The following EYA1 variants were observed in gnomAD, a reference collection of about 807,000 sequenced individuals.
EYA1 encodes EYA transcriptional coactivator and phosphatase 1.
Under a neutral mutation model 82.0 loss-of-function variants are expected in EYA1, and 16 were observed. The observed-to-expected ratio is 0.20, with a 90% CI of 0.13 to 0.30. The LOEUF is 0.30. Among genes scored for constraint, EYA1 ranks in the 10% least tolerant of loss-of-function variants. The probability of loss-of-function intolerance (pLI) is 1.00; values close to 1 mark genes in which losing one functional copy is unlikely to be tolerated. For synonymous variants in EYA1, 261 were observed against 264.4 expected (o/e 0.99, Z 0.12); for missense variants, 633 against 730.7 (o/e 0.87, Z 1.54).
At chr8:71,295,770 G>A (rs1819528977) in intron 9 of EYA1, among the ~76,000 whole-genome samples, 1 of 152,158 alleles carries the variant, frequency 6.6e-6, no homozygotes. Flanking sequence ...GCACACAAAT[G>A]TTTATAGAAA....
At chr8:71,416,136 G>A (rs184494940) in intron 2 of EYA1, among the ~76,000 whole-genome samples, 3 of 152,270 alleles carry the variant, frequency 2.0e-5, no homozygotes, top group East Asian at 3.9e-4. Flanking sequence ...AGCTCCAGGC[G>A]GATGGTCAGA....
upstream of EYA1, among the ~76,000 whole-genome samples, chr8:71,364,582 T>G (rs865996706): frequency 1.3e-5 from 2 of 152,090 alleles, no homozygotes; most frequent in African/African-American, 4.8e-5. Flanking sequence ...TGTTGAACAT[T>G]GCTACTAGTA....
chr8:71,367,110 C>A (rs190096701), upstream of EYA1, among the ~76,000 whole-genome samples: 2 of 152,012 alleles, frequency 1.3e-5, no homozygotes, highest in East Asian at 3.9e-4. Context: ...GGTTTTTTCT[C>A]CTTACATATT....
intron 2 of EYA1, among the ~76,000 whole-genome samples, chr8:71,462,077 G>A (rs1046858918): frequency 6.6e-6 from 1 of 152,074 alleles, no homozygotes; most frequent in Non-Finnish European, 1.5e-5. Context: ...AGGACTGGAA[G>A]CCTAGCCCTC....
chr8:71,348,777 C>T (rs555297428), intron 3 of EYA1, among the ~76,000 whole-genome samples: 27 of 152,166 alleles, frequency 1.8e-4, no homozygotes, highest in Non-Finnish European at 3.2e-4. Flanking sequence ...ATCCCAGGCA[C>T]GTTCTCGACT....
chr8:71,397,385 G>A (rs1346443223), intron 2 of EYA1, among the ~76,000 whole-genome samples: 18 of 152,250 alleles, frequency 1.2e-4, no homozygotes, highest in Non-Finnish European at 2.4e-4. Context: ...TCCTAGCATC[G>A]ATGGTCTTTA....
intron 2 of EYA1, among the ~76,000 whole-genome samples, chr8:71,506,680 G>A (rs536813717): frequency 8.5e-5 from 13 of 152,188 alleles, no homozygotes; most frequent in African/African-American, 2.6e-4. Context: ...AAATGCCAGC[G>A]TAACTTCCAA....
At chr8:71,523,346 T>G (rs192844258) in intron 2 of EYA1, among the ~76,000 whole-genome samples, 48 of 152,162 alleles carry the variant, frequency 3.2e-4, no homozygotes, top group African/African-American at 1.1e-3. Context: ...GCCTGGCTAA[T>G]TTTTTGTATG....
intron 9 of EYA1, among the ~76,000 whole-genome samples, chr8:71,296,161 T>A (rs1247933891): frequency 2.0e-5 from 3 of 152,134 alleles, no homozygotes; most frequent in African/African-American, 4.8e-5. Flanking sequence ...AGAGTAAAAT[T>A]TTGGAAGCTT....
chr8:71,351,738 A>G (rs1281590073), intron 3 of EYA1, among the ~76,000 whole-genome samples: 1 of 152,184 alleles, frequency 6.6e-6, no homozygotes, highest in Non-Finnish European at 1.5e-5. Context: ...CAGACTTAAG[A>G]AGAAACTTAA....
intron 2 of EYA1, among the ~76,000 whole-genome samples, chr8:71,492,468 A>ATTAT (rs1811075105): frequency 7.2e-6 from 1 of 137,972 alleles, no homozygotes; most frequent in African/African-American, 2.8e-5. Context: ...ATTTATTATT[A>ATTAT]TTTTTTTTTT....
intron 2 of EYA1, among the ~76,000 whole-genome samples, chr8:71,406,893 G>A (rs1461214137): frequency 6.9e-6 from 1 of 145,628 alleles, no homozygotes; most frequent in African/African-American, 2.5e-5. Context: ...AGGCCTGCCT[G>A]CCTCTGTAGG....
At chr8:71,419,349 C>A (rs1180228879) in intron 2 of EYA1, among the ~76,000 whole-genome samples, 3 of 152,160 alleles carry the variant, frequency 2.0e-5, no homozygotes, top group Non-Finnish European at 4.4e-5. Context: ...TAAAGCAGCA[C>A]AAAGCATACC....
chr8:71,363,675 A>G (rs918360713), upstream of EYA1, among the ~76,000 whole-genome samples: 1 of 152,206 alleles, frequency 6.6e-6, no homozygotes, highest in Admixed American at 6.5e-5. Flanking sequence ...ACAGCTTGTA[A>G]TGGAGATTTC....
Position 71,361,849 on chromosome 8 carries a change from G to A in EYA1, c.-257C>T, listed in dbSNP as rs920678374. On this transcript the variant is annotated 5_prime_UTR_variant, in exon 1 of 18. The change creates a premature stop within an existing upstream ORF in the 5' untranslated region. Transcript: ENST00000340726. ...CGCAGGGGGCAGGCGCCTGGCCGCTGCCGCAGGCTCGGGCTGCCGAGCGAC... is the reference window on the plus strand; with the variant it reads ...CGCAGGGGGCAGGCGCCTGGCCGCTACCGCAGGCTCGGGCTGCCGAGCGAC... 2 of 985,290 alleles carry A rather than the reference G, an allele frequency of 2.0e-6. No individual in the cohort carries two copies. The highest frequency in any genetic ancestry group is 6.1e-5 in the Admixed American group (1 of 16,270). 61.0% of individuals were successfully genotyped at this position (985,290 alleles called of 1,614,324 possible).
In EYA1 at chr8:71,535,829, G is replaced by A. The variant is rs1411963012; in HGVS notation, c.-53C>T. The A allele has an allele frequency of 8.9e-6, 11 of 1,232,466 alleles. No individual in the cohort carries two copies. In the Admixed American group the frequency reaches 2.7e-4, roughly 30 times the overall value. 76.3% of individuals were successfully genotyped at this position (1,232,466 alleles called of 1,614,324 possible). A position where few individuals can be genotyped will look rare whatever the true frequency, so the allele number is the denominator to read the frequency against. On this transcript the variant is annotated 5_prime_UTR_variant, in exon 2 of 19. Transcript: ENST00000643681. The stretch of plus-strand genomic sequence containing the variant: ...GCTATTAGCTACACACTTCTTCAAA[G>A]GGTTCCAACACCCCTGCACCTGTGA...
intron 2 of EYA1, among the ~76,000 whole-genome samples, chr8:71,509,970 G>A (rs1456697977): frequency 6.6e-6 from 1 of 151,746 alleles, no homozygotes; most frequent in African/African-American, 2.4e-5. Flanking sequence ...AGGAATCATA[G>A]ATGGTAATGG....
intron 2 of EYA1, among the ~76,000 whole-genome samples, chr8:71,480,900 T>C (rs74430156): frequency 0.061 from 9,305 of 152,232 alleles, 973 homozygotes; most frequent in African/African-American, 0.21. Flanking sequence ...TCCTTTGAGG[T>C]GAAAATGGCT....
At chr8:71,543,451 G>A (rs991021777) in intron 1 of EYA1, among the ~76,000 whole-genome samples, 7 of 152,146 alleles carry the variant, frequency 4.6e-5, no homozygotes, top group Admixed American at 2.0e-4. Flanking sequence ...AATATGCCAC[G>A]ACTTACATTC....
Sources: allele counts gnomAD v4.1 joint callset (sites outside exome capture counted in the v4.1 genomes callset), GRCh38; gene constraint gnomAD v4.1.1; transcripts MANE v1.5; gene names NCBI Gene and HGNC (gene_info 2026-07-23, HGNC 2026-07-21).